The following DPP6 variants were observed in gnomAD, a reference collection of about 807,000 sequenced individuals.
DPP6 encodes dipeptidyl peptidase like 6.
DPP6 carries 69 observed loss-of-function variants against 122.6 expected under a neutral mutation model. That is an observed-to-expected ratio of 0.56 (90% CI 0.46 to 0.69). DPP6 has a LOEUF of 0.69. DPP6 is among the 30% of genes least tolerant of loss of function. The probability of loss-of-function intolerance (pLI) is 0.00; values close to 1 mark genes in which losing one functional copy is unlikely to be tolerated. For missense variants in DPP6, 928 were observed against 1,116.9 expected, an observed-to-expected ratio of 0.83 and a Z score of 2.41; for synonymous variants, 418 against 433.1, an observed-to-expected ratio of 0.97 and a Z score of 0.43.
At chr7:154,162,362 T>G (rs1195001393) in intron 1 of DPP6, among the ~76,000 whole-genome samples, 1 of 152,236 alleles carries the variant, frequency 6.6e-6, no homozygotes, top group Non-Finnish European at 1.5e-5. Context: ...TTGGTTCTTA[T>G]GAAGTGAATA....
chr7:154,527,371 G>T (rs1426308274), intron 3 of DPP6, among the ~76,000 whole-genome samples: 2 of 152,224 alleles, frequency 1.3e-5, no homozygotes, highest in South Asian at 2.1e-4. Context: ...AGAGAATCTG[G>T]GTTTCATTTA....
chr7:154,699,313 T>C (rs980834775), intron 7 of DPP6, among the ~76,000 whole-genome samples: 9 of 152,324 alleles, frequency 5.9e-5, no homozygotes, highest in Admixed American at 2.6e-4. Flanking sequence ...TAGAAAGATA[T>C]TGAAAATTCA....
intron 21 of DPP6, chr7:154,884,776 C>T (rs1055747844): frequency 6.6e-6 from 1 of 152,236 alleles, no homozygotes; most frequent in Non-Finnish European, 1.5e-5. Context: ...CAGGCATACA[C>T]ACATGCTCAC....
At chr7:154,793,177 A>C (rs955221216) in intron 10 of DPP6, among the ~76,000 whole-genome samples, 2 of 152,158 alleles carry the variant, frequency 1.3e-5, no homozygotes, top group Non-Finnish European at 2.9e-5. Context: ...TAAGACCACA[A>C]AGTAATCATT....
intron 1 of DPP6, among the ~76,000 whole-genome samples, chr7:154,243,795 CAAAAA>C (rs886398654): frequency 5.6e-5 from 8 of 141,770 alleles, no homozygotes; most frequent in Admixed American, 4.3e-4. Context: ...GACTCCATCT[CAAAAA>C]AAAAAGAAAA....
intron 4 of DPP6, 79 bp from the exon 5 acceptor site, chr7:154,566,763 C>G: frequency 2.6e-6 from 2 of 768,202 alleles, no homozygotes; most frequent in African/African-American, 1.8e-5. Context: ...AAAATGGCAC[C>G]AGCAGATACA....
chr7:153,957,991 C>G (rs562008554), intron 1 of DPP6, among the ~76,000 whole-genome samples: 1 of 152,050 alleles, frequency 6.6e-6, no homozygotes, highest in Non-Finnish European at 1.5e-5. Context: ...TAGTAAAACC[C>G]CATCTCTACT....
At chr7:154,456,597 A>G (rs1052823624) in intron 2 of DPP6, among the ~76,000 whole-genome samples, 3 of 152,084 alleles carry the variant, frequency 2.0e-5, no homozygotes, top group African/African-American at 7.2e-5. Flanking sequence ...CCAAGTTGTA[A>G]TCCTTGGATC....
chr7:153,934,013 T>C (rs1332433456), intron 1 of DPP6, among the ~76,000 whole-genome samples: 4 of 152,290 alleles, frequency 2.6e-5, no homozygotes, highest in Admixed American at 2.6e-4. Context: ...GGGACAACCA[T>C]GTGTTTGCTG....
In DPP6 at chr7:153,895,162, T is replaced by G. The variant is rs563413786; in HGVS notation, c.51+7428T>G. Among the ~76,000 whole-genome samples, 3 of 152,304 alleles carry G rather than the reference T, an allele frequency of 2.0e-5. No homozygotes were observed. The South Asian group carries it at 6.2e-4, about 32-fold the overall frequency. On this transcript the variant is annotated intron_variant, in intron 1 of 25. Transcript: ENST00000404039. ...TCACGCCCAGAAAAAATTAATCTTC[T>G]TGACTGAAAGATACTCTATTATGTG...
chr7:154,757,971 C>A (rs1795245073), intron 8 of DPP6, among the ~76,000 whole-genome samples: 1 of 152,120 alleles, frequency 6.6e-6, no homozygotes, highest in African/African-American at 2.4e-5. Flanking sequence ...GCGCTCTCCC[C>A]CCCGCCCTCT....
At chr7:153,998,840 A>G (rs1797562808) in intron 1 of DPP6, among the ~76,000 whole-genome samples, 1 of 152,236 alleles carries the variant, frequency 6.6e-6, no homozygotes, top group Non-Finnish European at 1.5e-5. Context: ...TACACCCCAG[A>G]CTAAAGTGCT....
Position 154,031,861 on chromosome 7 carries a change from G to GT in DPP6, c.51+144143dup, listed in dbSNP as rs570904091. ...GTCTCATTCTTTTTTCCTTTTTTTTGTTTTTTTTTTTTTTTTGGGGGACGG... is the reference window on the plus strand; with the variant it reads ...GTCTCATTCTTTTTTCCTTTTTTTTGTTTTTTTTTTTTTTTTTGGGGGACGG... On this transcript the variant is annotated intron_variant, in intron 1 of 25. Transcript: ENST00000404039. Among the ~76,000 whole-genome samples, 1,037 of 120,278 alleles carry GT rather than the reference G, an allele frequency of 8.6e-3. 6 individuals are homozygous for GT. Among genetic ancestry groups the GT allele is most frequent in the Non-Finnish European group, 0.01 (577 of 57,550 alleles). 78.9% of individuals were successfully genotyped at this position (120,278 alleles called of 152,430 possible).
chr7:153,902,561 G>A (rs749918804), intron 1 of DPP6, among the ~76,000 whole-genome samples: 1 of 152,130 alleles, frequency 6.6e-6, no homozygotes, highest in Admixed American at 6.5e-5. Context: ...TAGGCCGGGC[G>A]TGGTGGCTCA....
chr7:154,658,384 A>G (rs896287242), intron 6 of DPP6, among the ~76,000 whole-genome samples: 9 of 152,358 alleles, frequency 5.9e-5, no homozygotes, highest in Middle Eastern at 3.4e-3. Context: ...TAAATAAGAA[A>G]AGTTTACCAG....
chr7:154,044,755 A>G (rs1359738186), intron 1 of DPP6, among the ~76,000 whole-genome samples: 2 of 152,258 alleles, frequency 1.3e-5, no homozygotes, highest in East Asian at 1.9e-4. Flanking sequence ...AATTAAGTTC[A>G]TGAAAGTCAG....
intron 1 of DPP6, among the ~76,000 whole-genome samples, chr7:154,069,510 T>A (rs1802967845): frequency 6.6e-6 from 1 of 151,644 alleles, no homozygotes; most frequent in East Asian, 1.9e-4. Context: ...TATTTATATT[T>A]TTTATTCTTA....
At chr7:154,697,767 T>C (rs989378845) in intron 7 of DPP6, among the ~76,000 whole-genome samples, 2 of 152,192 alleles carry the variant, frequency 1.3e-5, no homozygotes, top group African/African-American at 4.8e-5. Context: ...TGCAAGGTTT[T>C]CTTGAACTCC....
intron 1 of DPP6, among the ~76,000 whole-genome samples, chr7:153,951,219 C>T (rs961556564): frequency 5.9e-5 from 9 of 152,294 alleles, no homozygotes; most frequent in African/African-American, 1.4e-4. Flanking sequence ...GGCTGAGAAG[C>T]GCATTGGAGG....
Sources: allele counts gnomAD v4.1 joint callset (sites outside exome capture counted in the v4.1 genomes callset), GRCh38; gene constraint gnomAD v4.1.1; transcripts MANE v1.5; gene names NCBI Gene and HGNC (gene_info 2026-07-23, HGNC 2026-07-21).